The following MSRA variants were observed in gnomAD, a reference collection of about 807,000 sequenced individuals.
MSRA encodes the protein methionine sulfoxide reductase A, also known as mitochondrial peptide methionine sulfoxide reductase.
In MSRA, 54 loss-of-function variants were observed where a neutral mutation model predicts 31.3. The observed-to-expected ratio is 1.73, with a 90% CI of 1.39 to 2.17. The LOEUF (loss-of-function observed/expected upper bound fraction) is 2.17, where lower values mean the gene tolerates loss of function less well. Among genes scored for constraint, MSRA ranks in the 30% most tolerant of loss-of-function variants. The pLI is 0.00. For synonymous variants in MSRA, 169 were observed against 116.5 expected, an observed-to-expected ratio of 1.45 and a Z score of -2.90; for missense variants, 507 against 300.9, an observed-to-expected ratio of 1.69 and a Z score of -5.07.
At chr8:10,249,534 G>T (rs1445004352) in intron 3 of MSRA, among the ~76,000 whole-genome samples, 1 of 152,024 alleles carries the variant, frequency 6.6e-6, no homozygotes, top group Non-Finnish European at 1.5e-5. Context: ...CCTTCCTCAG[G>T]TTCATTAAGC....
intron 2 of MSRA, among the ~76,000 whole-genome samples, chr8:10,215,043 A>T (rs145875915): frequency 1.3e-5 from 2 of 152,216 alleles, no homozygotes; most frequent in East Asian, 1.9e-4. Flanking sequence ...GTGGGTTCAT[A>T]TGTTTAGAGT....
intron 3 of MSRA, among the ~76,000 whole-genome samples, chr8:10,283,836 T>TATATATATATACACACACACACACAC (rs1261287031): frequency 7.5e-5 from 4 of 53,162 alleles, no homozygotes; most frequent in African/African-American, 1.7e-4. Context: ...TATATATATA[T>TATATATATATACACACACACACACAC]ACACACACAC....
intron 2 of MSRA, among the ~76,000 whole-genome samples, chr8:10,208,810 C>T (rs112769684): frequency 2.4e-4 from 37 of 152,212 alleles, no homozygotes; most frequent in African/African-American, 8.9e-4. Context: ...TCACGCCTCC[C>T]GTAGCTTCTC....
Position 10,085,742 on chromosome 8 carries a change from GCAGT to G in MSRA, c.142+31090_142+31093del, listed in dbSNP as rs1365783793. ...CCCAAAAGTTGTCTCCTGCCTCTTT[GCAGT>G]CAGTCTGCTCACCTGCCTCCAGCTA... On this transcript the variant is annotated intron_variant, in intron 1 of 5. Coordinates refer to ENST00000317173, the MANE Select transcript of MSRA (RefSeq NM_012331.5). Among the ~76,000 whole-genome samples the G allele has an allele frequency of 9.2e-5, 14 of 152,294 alleles. No homozygotes were observed. The East Asian group carries it at 2.7e-3, about 29-fold the overall frequency.
intron 1 of MSRA, among the ~76,000 whole-genome samples, chr8:10,130,371 G>C (rs527284862): frequency 1.3e-5 from 2 of 152,324 alleles, no homozygotes; most frequent in African/African-American, 4.8e-5. Flanking sequence ...AATGTTGACT[G>C]CATGTTGATC....
At chr8:10,150,570 A>G (rs893007991) in intron 1 of MSRA, among the ~76,000 whole-genome samples, 1 of 152,210 alleles carries the variant, frequency 6.6e-6, no homozygotes, top group African/African-American at 2.4e-5. Context: ...TAATGTGTTA[A>G]TATATGACCT....
chr8:10,096,078 G>A, intron 1 of MSRA: 1 of 1,334,690 alleles, frequency 7.5e-7, no homozygotes, highest in Non-Finnish European at 9.9e-7. Flanking sequence ...TTTATTTTTA[G>A]ACATTTATAG....
intron 5 of MSRA, among the ~76,000 whole-genome samples, chr8:10,354,841 C>T (rs2129161253): frequency 6.7e-6 from 1 of 149,576 alleles, no homozygotes; most frequent in African/African-American, 2.5e-5. Context: ...AATGGATATA[C>T]CATAGCTTAT....
At chr8:10,227,659 C>T (rs1012247774) in intron 2 of MSRA, among the ~76,000 whole-genome samples, 5 of 152,124 alleles carry the variant, frequency 3.3e-5, no homozygotes, top group Middle Eastern at 3.4e-3. Context: ...GGAGTGTACA[C>T]GTGCATATGA....
chr8:10,221,446 A>T (rs1476162831), intron 2 of MSRA, among the ~76,000 whole-genome samples: 1 of 90,228 alleles, frequency 1.1e-5, no homozygotes, highest in East Asian at 4.1e-4. Flanking sequence ...GTATATATAC[A>T]TATATATATT....
At chr8:10,324,750 C>G (rs1244338975) in intron 5 of MSRA, among the ~76,000 whole-genome samples, 1 of 152,132 alleles carries the variant, frequency 6.6e-6, no homozygotes, top group Non-Finnish European at 1.5e-5. Context: ...GGCAGAGAGA[C>G]TGGGGAGGAA....
At chr8:10,365,343 A>G (rs552634385) in intron 5 of MSRA, among the ~76,000 whole-genome samples, 1 of 151,914 alleles carries the variant, frequency 6.6e-6, no homozygotes. Flanking sequence ...ATACCATACC[A>G]GTTGGTTTGC....
At chr8:10,354,345 C>A (rs1804378396) in intron 5 of MSRA, among the ~76,000 whole-genome samples, 1 of 152,128 alleles carries the variant, frequency 6.6e-6, no homozygotes, top group Non-Finnish European at 1.5e-5. Context: ...GTAGCACACA[C>A]CCTGAACACA....
chr8:10,368,711 T>C (rs1232239743), intron 5 of MSRA, among the ~76,000 whole-genome samples: 1 of 152,262 alleles, frequency 6.6e-6, no homozygotes, highest in Non-Finnish European at 1.5e-5. Context: ...TTGTATCTGA[T>C]CCTGAGTTAA....
intron 5 of MSRA, among the ~76,000 whole-genome samples, chr8:10,362,444 C>G (rs556435038): frequency 3.2e-5 from 4 of 124,228 alleles, no homozygotes; most frequent in Admixed American, 1.0e-4. Flanking sequence ...AATTCCCACC[C>G]AAAGTCATAC....
intron 1 of MSRA, among the ~76,000 whole-genome samples, chr8:10,197,021 A>G (rs527498091): frequency 2.6e-5 from 4 of 152,386 alleles, no homozygotes; most frequent in Middle Eastern, 3.4e-3. Context: ...CTTTTGGTCT[A>G]TAGCCATGTG....
intron 5 of MSRA, among the ~76,000 whole-genome samples, chr8:10,413,323 C>T (rs993390628): frequency 2.0e-5 from 3 of 152,136 alleles, no homozygotes; most frequent in East Asian, 1.9e-4. Flanking sequence ...AATTAGCTAA[C>T]CACACTGAGA....
intron 1 of MSRA, among the ~76,000 whole-genome samples, chr8:10,169,033 T>G (rs1340682591): frequency 1.3e-5 from 2 of 152,212 alleles, no homozygotes; most frequent in African/African-American, 4.8e-5. Flanking sequence ...ACTTTTGCAT[T>G]CGTATGATTT....
intron 2 of MSRA, among the ~76,000 whole-genome samples, chr8:10,229,995 A>G (rs919319076): frequency 1.3e-5 from 2 of 152,234 alleles, no homozygotes; most frequent in African/African-American, 4.8e-5. Flanking sequence ...GAATCCCTCC[A>G]TTATGAACTA....
Sources: gnomAD v4.1 joint callset for allele counts (sites outside exome capture counted in the v4.1 genomes callset) on GRCh38, gnomAD v4.1.1 for gene constraint, MANE v1.5 for transcripts, NCBI Gene and HGNC (gene_info 2026-07-23, HGNC 2026-07-21) for gene names.